DLAT: variants seen among roughly 807,000 people sequenced by gnomAD.
The protein encoded by DLAT is dihydrolipoamide S-acetyltransferase.
DLAT carries 43 observed loss-of-function variants against 68.0 expected under a neutral mutation model. The ratio of observed to expected loss-of-function variants is 0.63; its 90% CI spans 0.50 to 0.81. DLAT has a LOEUF of 0.81. DLAT is among the 40% of genes least tolerant of loss of function. DLAT has a pLI of 0.00. For missense variants in DLAT, 745 were observed against 815.4 expected, an observed-to-expected ratio of 0.91 and a Z score of 1.05; for synonymous variants, 265 against 288.6, an observed-to-expected ratio of 0.92 and a Z score of 0.83.
chr11:112,059,737 C>A (rs1184883093), intron 11 of DLAT, among the ~76,000 whole-genome samples, 166 bp from the exon 12 acceptor site: 1 of 152,122 alleles, frequency 6.6e-6, no homozygotes, highest in African/African-American at 2.4e-5. Flanking sequence ...GAGGGCACAG[C>A]AAAATGTAAA....
Position 112,051,177 on chromosome 11 carries a change from T to C in DLAT, c.1399-57T>C. On this transcript the variant is annotated intron_variant, in intron 10 of 13. Coordinates refer to ENST00000280346, the MANE Select transcript of DLAT (RefSeq NM_001931.5). This position sits in a 1 kb window ranked among gnomAD's most constrained non-coding sequence, Gnocchi z 4.3. Reference sequence around the variant, plus strand: ...ACATTCTGCACATGCACCCTGAAACTTAAAATTAAAATTAAAATTAAAAAA... The same window carrying C: ...ACATTCTGCACATGCACCCTGAAACCTAAAATTAAAATTAAAATTAAAAAA... 1 of 1,242,118 alleles carries C rather than the reference T, an allele frequency of 8.1e-7. No homozygotes were observed. The highest frequency in any genetic ancestry group is 1.1e-6 in the Non-Finnish European group (1 of 873,386). The allele number at this position is 1,242,118 out of a possible 1,614,324, so 76.9% of individuals were successfully genotyped here.
At chr11:112,047,734 T>C (rs1299169473) in intron 10 of DLAT, among the ~76,000 whole-genome samples, 1 of 152,238 alleles carries the variant, frequency 6.6e-6, no homozygotes, top group Non-Finnish European at 1.5e-5. Context: ...CCTTTCCCCA[T>C]TGCTTGTTGT....
At chr11:112,056,330 C>T (rs929282912) in intron 11 of DLAT, among the ~76,000 whole-genome samples, 2 of 152,090 alleles carry the variant, frequency 1.3e-5, no homozygotes, top group Non-Finnish European at 2.9e-5. Context: ...CACTCATGCT[C>T]ATTTATAGTA....
chr11:112,044,848 C>CGT (rs1863222264), intron 8 of DLAT, among the ~76,000 whole-genome samples: 1 of 151,982 alleles, frequency 6.6e-6, no homozygotes, highest in Admixed American at 6.6e-5. Flanking sequence ...GCCAGGGCAA[C>CGT]GTGGCTAATT....
intron 7 of DLAT, among the ~76,000 whole-genome samples, chr11:112,040,019 C>T (rs1862971060): frequency 6.6e-6 from 1 of 152,178 alleles, no homozygotes; most frequent in Non-Finnish European, 1.5e-5. Context: ...ACTTTTCTAT[C>T]TGTAAAACTG....
At chr11:112,027,273 G>C (rs1451605760) in intron 2 of DLAT, among the ~76,000 whole-genome samples, 5 of 150,392 alleles carry the variant, frequency 3.3e-5, no homozygotes, top group Admixed American at 3.3e-4. Flanking sequence ...GGTCGCGGCC[G>C]GGTAGAGGCG....
intron 4 of DLAT, among the ~76,000 whole-genome samples, chr11:112,031,175 T>C (rs1254527930): frequency 6.6e-6 from 1 of 152,228 alleles, no homozygotes; most frequent in Non-Finnish European, 1.5e-5. Context: ...CTAAGGCTTG[T>C]CTTACTTTCC....
chr11:112,055,732 C>T (rs1176478025), intron 11 of DLAT, among the ~76,000 whole-genome samples: 2 of 150,126 alleles, frequency 1.3e-5, no homozygotes, highest in African/African-American at 4.9e-5. Flanking sequence ...CAGCAGCAAA[C>T]ATTCAAGGAA....
intron 1 of DLAT, 132 bp downstream of exon 1, chr11:112,025,883 A>T: frequency 8.0e-7 from 1 of 1,243,024 alleles, no homozygotes; most frequent in Non-Finnish European, 1.1e-6. Context: ...TTTGTCCAAT[A>T]GTTGGCTTTG....
chr11:112,046,283 T>C (rs1863312232), intron 10 of DLAT, among the ~76,000 whole-genome samples: 1 of 152,222 alleles, frequency 6.6e-6, no homozygotes, highest in Non-Finnish European at 1.5e-5. Context: ...TATTTTGAGT[T>C]AATTTTTTAT....
intron 7 of DLAT, 132 bp downstream of exon 7, chr11:112,039,529 T>C (rs1862947111): frequency 1.0e-6 from 1 of 953,130 alleles, no homozygotes; most frequent in Admixed American, 2.0e-5. Context: ...TAATAATTCC[T>C]TCAGAAGGGA....
At chr11:112,048,351 G>A (rs1334217769) in intron 10 of DLAT, among the ~76,000 whole-genome samples, 12 of 152,156 alleles carry the variant, frequency 7.9e-5, no homozygotes, top group African/African-American at 2.9e-4. Flanking sequence ...TTGCTTATCA[G>A]CTTAAGGAGA....
At chr11:112,060,479 A>G (rs782358137) in intron 12 of DLAT, among the ~76,000 whole-genome samples, 1 of 151,382 alleles carries the variant, frequency 6.6e-6, no homozygotes, top group East Asian at 1.9e-4. Flanking sequence ...TTTGAAACAG[A>G]GTCTCACTCT....
At chr11:112,058,271 C>A (rs1864236618) in intron 11 of DLAT, among the ~76,000 whole-genome samples, 1 of 152,134 alleles carries the variant, frequency 6.6e-6, no homozygotes, top group Non-Finnish European at 1.5e-5. Context: ...ATAATTTATT[C>A]AAGAAAGCAG....
chr11:112,042,236 A>G (rs1349432408), intron 7 of DLAT, among the ~76,000 whole-genome samples: 6 of 152,114 alleles, frequency 3.9e-5, no homozygotes, highest in Non-Finnish European at 1.5e-5. Context: ...AGAGATAGGG[A>G]AAAGGGTTTA....
intron 2 of DLAT, among the ~76,000 whole-genome samples, chr11:112,027,838 G>A (rs145275342): frequency 0.058 from 8,746 of 151,910 alleles, 686 homozygotes; most frequent in African/African-American, 0.18. Context: ...GCAGTGAGCC[G>A]AGAAGGCAGC....
intron 8 of DLAT, 44 bp from the exon 9 acceptor site, chr11:112,045,094 A>C (rs1555181329): frequency 1.3e-6 from 2 of 1,486,994 alleles, no homozygotes; most frequent in East Asian, 2.3e-5. Flanking sequence ...ACTTACGCTA[A>C]GATTGAATCA....
At chr11:112,054,125 A>G (rs1293918169) in intron 11 of DLAT, among the ~76,000 whole-genome samples, 1 of 151,762 alleles carries the variant, frequency 6.6e-6, no homozygotes, top group Non-Finnish European at 1.5e-5. Context: ...CCTGGCCAAC[A>G]TGGTGAAACC....
chr11:112,025,417 G>A lies in DLAT; in HGVS notation c.-56G>A. 1 of 1,576,436 alleles carries A rather than the reference G, an allele frequency of 6.3e-7. No individual in the cohort carries two copies. The highest frequency in any genetic ancestry group is 8.6e-7 in the Non-Finnish European group (1 of 1,166,264). On this transcript the variant is annotated 5_prime_UTR_variant, in exon 1 of 14. Transcript: ENST00000280346. ...GGCTGACGGCAACGCCGCTGCTCTT[G>A]GAGAGGTCACTCCGGAGACGGCGTT...
Sources: gnomAD v4.1 joint callset for allele counts (sites outside exome capture counted in the v4.1 genomes callset) on GRCh38, gnomAD v4.1.1 for gene constraint, Gnocchi (gnomAD v3.1) non-coding constraint, MANE v1.5 for transcripts, NCBI Gene and HGNC (gene_info 2026-07-23, HGNC 2026-07-21) for gene names.